The following UNC45B variants were observed in gnomAD, a reference collection of about 807,000 sequenced individuals.
UNC45B encodes unc-45 myosin chaperone B, also known as protein unc-45 homolog B.
A neutral mutation model predicts 98.7 loss-of-function variants in UNC45B; 78 were observed. The ratio of observed to expected loss-of-function variants is 0.79; its 90% CI spans 0.66 to 0.95. The LOEUF (loss-of-function observed/expected upper bound fraction) is 0.95, where lower values mean the gene tolerates loss of function less well. Ranked by LOEUF, UNC45B falls within the 40% of genes least tolerant of loss-of-function variation. The pLI is 0.00. For synonymous variants in UNC45B, 462 were observed against 480.4 expected (o/e 0.96, Z 0.50); for missense variants, 1,225 against 1,184.9 (o/e 1.03, Z -0.50).
Position 35,154,639 on chromosome 17 carries a change from T to G in UNC45B, c.537T>G (p.Asn179Lys), listed in dbSNP as rs753991947. Residue 179 changes from asparagine to lysine, a missense_variant, in exon 6 of 20, where the codon AAT (asparagine) becomes AAG (lysine). Physicochemically the swap from Asn to Lys is moderately conservative, Grantham distance 94. Coordinates refer to ENST00000394570, the MANE Select transcript of UNC45B (RefSeq NM_001267052.2). ...EAGAEKIFQN[N>K]GVALLLQLLD... ...GGGCTGAGAAGATCTTCCAGAACAA[T>G]GGAGTAGCCTTGCTACTGCAGCTTC... 2.6e-5 allele frequency: 42 copies of G among 1,613,448 alleles called. No homozygotes were observed. The highest frequency in any genetic ancestry group is 3.4e-5 in the Non-Finnish European group (40 of 1,179,850).
At position 35,183,434 on chromosome 17, in the gene UNC45B, A is replaced by G. The variant is rs764523169; in HGVS notation, c.2381A>G (p.Glu794Gly). Residue 794 changes from glutamate (E) to glycine (G), a missense_variant, in exon 19 of 20, where the codon GAA (glutamate) becomes GGA (glycine). Glu to Gly is a moderately conservative substitution (Grantham distance 98). Coordinates refer to ENST00000394570, the MANE Select transcript of UNC45B (RefSeq NM_001267052.2). The stretch of plus-strand genomic sequence containing the variant: ...TGTTCCTGCCTCCCACAGGTACAGG[A>G]AAGGTTCTTGGCTGACGGGAATGAC... The part of the protein sequence containing the change: ...CNMVLHKEVQ[E>G]RFLADGNDRL... 1.3e-6 allele frequency: 2 copies of G among 1,577,472 alleles called. No homozygotes were observed. The highest frequency in any genetic ancestry group is 1.7e-6 in the Non-Finnish European group (2 of 1,161,928).
intron 13 of UNC45B, among the ~76,000 whole-genome samples, chr17:35,172,020 A>G (rs886157212): frequency 3.3e-5 from 5 of 152,220 alleles, no homozygotes; most frequent in African/African-American, 1.2e-4. Flanking sequence ...TAATATAATC[A>G]TGCTGCAAAA....
chr17:35,180,604 CAT>C lies in UNC45B; in HGVS notation c.2302_2303del (p.Met768ValfsTer2). The C allele has an allele frequency of 6.2e-7, 1 of 1,613,954 alleles. No homozygotes were observed. The highest frequency in any genetic ancestry group is 8.5e-7 in the Non-Finnish European group (1 of 1,179,956). On this transcript the variant is annotated frameshift_variant, in exon 18 of 20. Transcript: ENST00000394570. LOFTEE classifies it high-confidence loss of function. Reference protein sequence around the residue: ...ERALPDIENYMFENHDQLRQA... With the variant: ...ERALPDIENYXFENHDQLRQA... Reference sequence around the variant, plus strand: ...GGGCCTTGCCAGACATCGAGAACTACATGTTTGAGAATCATGATCAGCTGCGG... The same window carrying C: ...GGGCCTTGCCAGACATCGAGAACTACGTTTGAGAATCATGATCAGCTGCGG...
At chr17:35,165,264 G>T (rs1431202856) in intron 9 of UNC45B, among the ~76,000 whole-genome samples, 2 of 152,198 alleles carry the variant, frequency 1.3e-5, no homozygotes, top group African/African-American at 4.8e-5. Context: ...TAAGACTCAT[G>T]TGGCTTTGCA....
At chr17:35,186,223 G>A in intron 19 of UNC45B, 76 bp from the exon 20 acceptor site, 1 of 1,567,974 alleles carries the variant, frequency 6.4e-7, no homozygotes, top group Non-Finnish European at 8.7e-7. Flanking sequence ...CCACACCAGG[G>A]ACCACATTTC....
chr17:35,163,697 A>AT (rs896990813), intron 8 of UNC45B, among the ~76,000 whole-genome samples: 2 of 152,204 alleles, frequency 1.3e-5, no homozygotes, highest in Non-Finnish European at 2.9e-5. Context: ...GGAGAAGACT[A>AT]TACATCAGCC....
chr17:35,181,831 G>T (rs922874619), intron 18 of UNC45B, among the ~76,000 whole-genome samples: 3 of 150,640 alleles, frequency 2.0e-5, no homozygotes, highest in African/African-American at 7.3e-5. Context: ...CAGGGGGAAT[G>T]AAGCTACCAG....
intron 7 of UNC45B, among the ~76,000 whole-genome samples, chr17:35,157,204 A>G (rs2092069487): frequency 6.6e-6 from 1 of 151,912 alleles, no homozygotes; most frequent in African/African-American, 2.4e-5. Flanking sequence ...TTTTGCATCT[A>G]TGCTTGCATT....
chr17:35,177,238 G>A, intron 16 of UNC45B, 108 bp downstream of exon 16: 2 of 1,059,224 alleles, frequency 1.9e-6, no homozygotes, highest in Non-Finnish European at 2.8e-6. Flanking sequence ...GCATGGTGCT[G>A]TCACACGGAG....
intron 6 of UNC45B, among the ~76,000 whole-genome samples, chr17:35,155,036 C>T (rs973974497): frequency 1.3e-5 from 2 of 152,378 alleles, no homozygotes; most frequent in African/African-American, 4.8e-5. Flanking sequence ...CCATATGGTC[C>T]TGCCACCGTG....
chr17:35,181,349 A>G (rs1393783279), intron 18 of UNC45B, among the ~76,000 whole-genome samples: 3 of 152,156 alleles, frequency 2.0e-5, no homozygotes, highest in Non-Finnish European at 4.4e-5. Flanking sequence ...AGCAGGGTCT[A>G]AGTTTGAGGC....
rs1567772562 is a variant in UNC45B, at chr17:35,186,374, ATTGCCTACAACCT to A, written c.2606_2618del (p.Ile869AsnfsTer21). 3 of 1,614,200 alleles carry A rather than the reference ATTGCCTACAACCT, an allele frequency of 1.9e-6. No individual in the cohort carries two copies. The highest frequency in any genetic ancestry group is 3.3e-5 in the Admixed American group (2 of 60,010). On this transcript the variant is annotated frameshift_variant, in exon 20 of 20. Coordinates refer to ENST00000394570, the MANE Select transcript of UNC45B (RefSeq NM_001267052.2). LOFTEE classifies it high-confidence loss of function. ...GTCTGTCCAACACCGGGGCCTGGTCATTGCCTACAACCTACTGGCAGCCGATGCTGAGCTGGCC... is the reference window on the plus strand; with the variant it reads ...GTCTGTCCAACACCGGGGCCTGGTCAACTGGCAGCCGATGCTGAGCTGGCC...
intron 3 of UNC45B, 152 bp from the exon 4 acceptor site, chr17:35,149,896 G>A (rs973628352): frequency 2.8e-6 from 2 of 713,776 alleles, no homozygotes; most frequent in Non-Finnish European, 4.2e-6. Context: ...CTAACAAAGG[G>A]GAGGTAAGGG....
chr17:35,164,328 T>C, intron 9 of UNC45B, 162 bp downstream of exon 9: 1 of 773,364 alleles, frequency 1.3e-6, no homozygotes, highest in Non-Finnish European at 1.9e-6. Context: ...TGGCTTATGG[T>C]CTTTCATGAA....
At chr17:35,183,012 T>C (rs1482741574) in intron 18 of UNC45B, among the ~76,000 whole-genome samples, 1 of 151,810 alleles carries the variant, frequency 6.6e-6, no homozygotes, top group African/African-American at 2.4e-5. Context: ...ACATAATTGT[T>C]CCCTGCTTCT....
At chr17:35,163,375 T>C (rs2092115316) in intron 8 of UNC45B, among the ~76,000 whole-genome samples, 1 of 152,232 alleles carries the variant, frequency 6.6e-6, no homozygotes. Context: ...GGTGCTCATT[T>C]ATTTAACAAA....
At chr17:35,176,293 T>A (rs977638508) in intron 15 of UNC45B, among the ~76,000 whole-genome samples, 8 of 152,134 alleles carry the variant, frequency 5.3e-5, no homozygotes, top group Non-Finnish European at 1.2e-4. Context: ...TGTAGAAGAC[T>A]TGTAGTTGAG....
chr17:35,154,470 C>A, intron 5 of UNC45B, 104 bp from the exon 6 acceptor site: 1 of 1,043,818 alleles, frequency 9.6e-7, no homozygotes, highest in Non-Finnish European at 1.4e-6. Flanking sequence ...GAACAATGTT[C>A]TGAAGATCCA....
In UNC45B at chr17:35,148,426, A is replaced by T. The variant is rs1212328310; in HGVS notation, c.163A>T (p.Lys55Ter). Residue 55 changes from lysine to a stop codon, truncating the protein, a stop_gained, in exon 2 of 20, where the codon AAA becomes TAA. Transcript: ENST00000394570. LOFTEE classifies it high-confidence loss of function. The part of the protein sequence containing the change: ...LYRNRAACGL[K>*]TESYVQAASD... The stretch of plus-strand genomic sequence containing the variant: ...TCGGAACCGGGCAGCCTGTGGCCTG[A>T]AAACGGTCTGGGGCAGGGCAGGGCA... 3.1e-6 allele frequency: 5 copies of T among 1,613,712 alleles called. No individual in the cohort carries two copies.
Sources: allele counts gnomAD v4.1 joint callset (sites outside exome capture counted in the v4.1 genomes callset), GRCh38; gene constraint gnomAD v4.1.1; transcripts MANE v1.5; gene names NCBI Gene and HGNC (gene_info 2026-07-23, HGNC 2026-07-21).